FRAS1: variants seen among roughly 807,000 people sequenced by gnomAD.
FRAS1 encodes Fraser extracellular matrix complex subunit 1.
FRAS1 carries 290 observed loss-of-function variants against 435.2 expected under a neutral mutation model. The observed-to-expected ratio is 0.67, with a 90% CI of 0.61 to 0.73. FRAS1 has a LOEUF of 0.73. Ranked by LOEUF, FRAS1 falls within the 30% of genes least tolerant of loss-of-function variation. The probability of loss-of-function intolerance (pLI) is 0.00; values close to 1 mark genes in which losing one functional copy is unlikely to be tolerated. For missense variants in FRAS1, 4,860 were observed against 5,001.5 expected (o/e 0.97, Z 0.85); for synonymous variants, 1,800 against 1,851.0 (o/e 0.97, Z 0.71).
chr4:78,537,293 C>T, intron 72 of FRAS1, 93 bp downstream of exon 72: 2 of 1,173,468 alleles, frequency 1.7e-6, no homozygotes, highest in Non-Finnish European at 2.4e-6. Context: ...AGAGCTCACT[C>T]TTGATATTTT....
intron 29 of FRAS1, 31 bp from the exon 30 acceptor site, chr4:78,400,703 G>A: frequency 2.5e-6 from 4 of 1,603,732 alleles, no homozygotes; most frequent in Non-Finnish European, 3.4e-6. Flanking sequence ...ACTTTGCTTG[G>A]AACTAATTCT....
At chr4:78,216,823 G>A (rs190969421) in intron 2 of FRAS1, among the ~76,000 whole-genome samples, 14 of 152,254 alleles carry the variant, frequency 9.2e-5, no homozygotes, top group African/African-American at 3.4e-4. Flanking sequence ...GAGGAAGTGG[G>A]TCAGGAGAAG....
intron 2 of FRAS1, among the ~76,000 whole-genome samples, chr4:78,161,953 A>G (rs1721162054): frequency 6.6e-6 from 1 of 151,982 alleles, no homozygotes; most frequent in Non-Finnish European, 1.5e-5. Context: ...TGTTATAAAG[A>G]CTTTGCCTTC....
At chr4:78,320,244 T>C (rs1729447322) in intron 18 of FRAS1, among the ~76,000 whole-genome samples, 1 of 152,240 alleles carries the variant, frequency 6.6e-6, no homozygotes, top group Non-Finnish European at 1.5e-5. Context: ...TTTAAACTCC[T>C]GTGGCTCTGT....
At chr4:78,113,245 A>G (rs372679017) in intron 2 of FRAS1, among the ~76,000 whole-genome samples, 18 of 152,242 alleles carry the variant, frequency 1.2e-4, no homozygotes, top group East Asian at 7.7e-4. Context: ...CATTTGGGTT[A>G]GTTCCAAGTC....
At chr4:78,260,152 A>G (rs1306618564) in intron 6 of FRAS1, among the ~76,000 whole-genome samples, 23 of 151,696 alleles carry the variant, frequency 1.5e-4, no homozygotes, top group Non-Finnish European at 2.1e-4. Context: ...CTCCAGCTTT[A>G]TTCTTTTGGC....
At chr4:78,429,453 G>A (rs1271873254) in intron 36 of FRAS1, among the ~76,000 whole-genome samples, 1 of 152,170 alleles carries the variant, frequency 6.6e-6, no homozygotes, top group East Asian at 1.9e-4. Flanking sequence ...ACACAACACA[G>A]AACTGATTTT....
intron 58 of FRAS1, among the ~76,000 whole-genome samples, chr4:78,483,791 TATATATAA>T (rs1720087761): frequency 8.3e-6 from 1 of 120,280 alleles, no homozygotes; most frequent in East Asian, 2.2e-4. Context: ...TCTATATATA[TATATATAA>T]AATTATGTAT....
chr4:78,396,891 C>T (rs536232598), intron 29 of FRAS1, among the ~76,000 whole-genome samples: 1 of 152,264 alleles, frequency 6.6e-6, no homozygotes, highest in East Asian at 1.9e-4. Context: ...TGTCTTTTGT[C>T]AAACCTTTAA....
intron 2 of FRAS1, among the ~76,000 whole-genome samples, chr4:78,125,692 G>T (rs982067855): frequency 6.6e-6 from 1 of 152,062 alleles, no homozygotes; most frequent in Non-Finnish European, 1.5e-5. Context: ...TGTTTTCCTG[G>T]GTATCACCAG....
chr4:78,508,577 G>A (rs1287864805), intron 62 of FRAS1, among the ~76,000 whole-genome samples, 154 bp from the exon 63 acceptor site: 1 of 151,852 alleles, frequency 6.6e-6, no homozygotes, highest in Non-Finnish European at 1.5e-5. Context: ...TATCTTTTAA[G>A]GATGCCTGGC....
At chr4:78,131,804 T>C (rs1480058626) in intron 2 of FRAS1, among the ~76,000 whole-genome samples, 1 of 152,218 alleles carries the variant, frequency 6.6e-6, no homozygotes, top group Non-Finnish European at 1.5e-5. Flanking sequence ...AAGTCAGTTA[T>C]TAATGAATTA....
chr4:78,540,132 C>T (rs1219825353), intron 73 of FRAS1, among the ~76,000 whole-genome samples: 1 of 152,154 alleles, frequency 6.6e-6, no homozygotes, highest in Admixed American at 6.5e-5. Context: ...CGCTGAAGTT[C>T]ACCAATAAAT....
intron 2 of FRAS1, among the ~76,000 whole-genome samples, chr4:78,233,143 G>A (rs1455666187): frequency 1.3e-5 from 2 of 152,210 alleles, no homozygotes; most frequent in East Asian, 3.8e-4. Context: ...AATAATTGAA[G>A]TGCAGAGAAG....
At chr4:78,149,582 A>G (rs1447753748) in intron 2 of FRAS1, among the ~76,000 whole-genome samples, 1 of 152,168 alleles carries the variant, frequency 6.6e-6, no homozygotes, top group Non-Finnish European at 1.5e-5. Flanking sequence ...TAGTATGTGT[A>G]TATTTTAGCC....
intron 29 of FRAS1, among the ~76,000 whole-genome samples, chr4:78,389,583 G>C (rs760264680): frequency 5.9e-5 from 9 of 152,350 alleles, no homozygotes; most frequent in Admixed American, 2.0e-4. Context: ...TCACTCTTGC[G>C]ATGGCCCTGG....
At chr4:78,228,946 G>A (rs1724393441) in intron 2 of FRAS1, among the ~76,000 whole-genome samples, 2 of 152,124 alleles carry the variant, frequency 1.3e-5, no homozygotes, top group South Asian at 2.1e-4. Flanking sequence ...AGATTTGTGC[G>A]GAGTCCTAAA....
intron 47 of FRAS1, among the ~76,000 whole-genome samples, chr4:78,455,580 G>A (rs1719166668): frequency 6.6e-6 from 1 of 152,196 alleles, no homozygotes; most frequent in African/African-American, 2.4e-5. Context: ...CTGGGAAATA[G>A]ACTTATTTTC....
intron 2 of FRAS1, among the ~76,000 whole-genome samples, chr4:78,180,668 A>G (rs908815803): frequency 6.6e-6 from 1 of 152,246 alleles, no homozygotes; most frequent in African/African-American, 2.4e-5. Flanking sequence ...TCTAAATACA[A>G]AACTGACTAC....
Sources: gnomAD v4.1 joint callset for allele counts (sites outside exome capture counted in the v4.1 genomes callset) on GRCh38, gnomAD v4.1.1 for gene constraint, MANE v1.5 for transcripts, NCBI Gene and HGNC (gene_info 2026-07-23, HGNC 2026-07-21) for gene names.